TNFRSF11A: variants seen among roughly 807,000 people sequenced by gnomAD.
TNFRSF11A encodes tumor necrosis factor receptor superfamily member 11A.
In TNFRSF11A, 32 loss-of-function variants were observed where a neutral mutation model predicts 55.7. The ratio of observed to expected loss-of-function variants is 0.57; its 90% CI spans 0.43 to 0.77. TNFRSF11A has a LOEUF of 0.77. Among genes scored for constraint, TNFRSF11A ranks in the 30% least tolerant of loss-of-function variants. TNFRSF11A has a pLI of 0.00. For synonymous variants in TNFRSF11A, 311 were observed against 331.0 expected, an observed-to-expected ratio of 0.94 and a Z score of 0.65; for missense variants, 753 against 809.8, an observed-to-expected ratio of 0.93 and a Z score of 0.85.
chr18:62,380,682 C>T (rs970992645), intron 9 of TNFRSF11A, among the ~76,000 whole-genome samples: 16 of 152,032 alleles, frequency 1.1e-4, no homozygotes, highest in Admixed American at 3.3e-4. Context: ...GTGATCCACC[C>T]GCCTCGGCCT....
intron 6 of TNFRSF11A, among the ~76,000 whole-genome samples, chr18:62,360,725 T>G (rs4524025): frequency 0.86 from 130,621 of 152,188 alleles, 56,158 homozygotes; most frequent in Middle Eastern, 0.88. Flanking sequence ...AGGATTACAG[T>G]AGTGAGCCAC....
In TNFRSF11A at chr18:62,389,755, G is replaced by A. The variant is rs1343164972; in HGVS notation, c.*4721G>A. On this transcript the variant is annotated 3_prime_UTR_variant, in exon 10 of 10. Coordinates refer to ENST00000586569, the MANE Select transcript of TNFRSF11A (RefSeq NM_003839.4). ...AAAAAAATCTTTAAGATTACCAGGAGTATAAAAGTTAAAATGACAAAATTA... is the reference window on the plus strand; with the variant it reads ...AAAAAAATCTTTAAGATTACCAGGAATATAAAAGTTAAAATGACAAAATTA... 6.6e-6 allele frequency: 1 copy of A among 152,184 alleles called. No individual in the cohort carries two copies. Among genetic ancestry groups the A allele is most frequent in the Non-Finnish European group, 1.5e-5 (1 of 68,042 alleles). 9.4% of individuals were successfully genotyped at this position (152,184 alleles called of 1,614,324 possible).
chr18:62,351,002 C>CTTTTTTTTTTTTTTT (rs71160826), intron 3 of TNFRSF11A, among the ~76,000 whole-genome samples: 2 of 122,678 alleles, frequency 1.6e-5, no homozygotes, highest in East Asian at 2.3e-4. Context: ...TTTTTTCTTT[C>CTTTTTTTTTTTTTTT]TTTTTTTTTT....
At chr18:62,358,080 A>G in intron 4 of TNFRSF11A, 168 bp from the exon 5 acceptor site, 1 of 648,856 alleles carries the variant, frequency 1.5e-6, no homozygotes, top group Admixed American at 2.6e-5. Flanking sequence ...AGCCTGTGGG[A>G]GCTGAAGAAG....
intron 1 of TNFRSF11A, among the ~76,000 whole-genome samples, chr18:62,346,633 G>A (rs908707425): frequency 6.6e-6 from 1 of 152,032 alleles, no homozygotes; most frequent in Non-Finnish European, 1.5e-5. Context: ...CCTTCTCATC[G>A]ACCTCAGCCT....
At chr18:62,350,042 C>A in intron 3 of TNFRSF11A, 105 bp downstream of exon 3, 1 of 1,517,220 alleles carries the variant, frequency 6.6e-7, no homozygotes, top group Non-Finnish European at 9.0e-7. Context: ...GTTTCAGGAA[C>A]ATGAAAGGAA....
intron 1 of TNFRSF11A, among the ~76,000 whole-genome samples, chr18:62,332,796 C>T (rs1264896611): frequency 6.6e-6 from 1 of 152,122 alleles, no homozygotes; most frequent in Non-Finnish European, 1.5e-5. Context: ...CAACCCCAAA[C>T]CAAACAAAAC....
intron 7 of TNFRSF11A, among the ~76,000 whole-genome samples, chr18:62,363,800 C>T (rs1246327661): frequency 2.0e-5 from 3 of 152,200 alleles, no homozygotes; most frequent in East Asian, 3.8e-4. Flanking sequence ...CTTGTAGGCA[C>T]GTTTATGTGA....
chr18:62,343,665 A>G (rs1439085128), intron 1 of TNFRSF11A, among the ~76,000 whole-genome samples: 2 of 152,240 alleles, frequency 1.3e-5, no homozygotes, highest in African/African-American at 2.4e-5. Flanking sequence ...AGAGTCCATC[A>G]GCCGTTAAGA....
At chr18:62,344,286 C>T (rs1194265285) in intron 1 of TNFRSF11A, among the ~76,000 whole-genome samples, 1 of 152,204 alleles carries the variant, frequency 6.6e-6, no homozygotes, top group Non-Finnish European at 1.5e-5. Flanking sequence ...GCTTTATTTG[C>T]TTCATGAAGA....
chr18:62,341,776 G>C (rs1316040741), intron 1 of TNFRSF11A, among the ~76,000 whole-genome samples: 2 of 147,260 alleles, frequency 1.4e-5, no homozygotes, highest in African/African-American at 5.0e-5. Flanking sequence ...AGTGCAGCAG[G>C]ATAGGCACAG....
chr18:62,374,411 C>T (rs1429920635), intron 9 of TNFRSF11A, among the ~76,000 whole-genome samples: 1 of 152,214 alleles, frequency 6.6e-6, no homozygotes, highest in Non-Finnish European at 1.5e-5. Flanking sequence ...AGGAAAATCA[C>T]ATGAGAAGCA....
chr18:62,359,983 C>T lies in TNFRSF11A; in HGVS notation c.550C>T (p.His184Tyr), dbSNP rs140948733. Residue 184 changes from histidine to tyrosine, a missense_variant, in exon 6 of 10, where the codon CAT becomes TAT. This residue lies in a region of TNFRSF11A where 567 missense variants were observed against 596.7 expected (regional missense o/e 0.95). Coordinates refer to ENST00000586569, the MANE Select transcript of TNFRSF11A (RefSeq NM_003839.4). ...NCTFLGKRVEHHGTEKSDAVC... is the reference protein window; with the variant it reads ...NCTFLGKRVEYHGTEKSDAVC... ...TACCTTCCTTGGAAAGAGAGTAGAA[C>T]ATCATGGGACAGAGAAATCCGATGC... 5 of 1,613,988 alleles carry T rather than the reference C, an allele frequency of 3.1e-6. No individual in the cohort carries two copies. Among genetic ancestry groups the T allele is most frequent in the Admixed American group, 1.7e-5 (1 of 60,024 alleles).
At chr18:62,381,095 C>T (rs778332992) in intron 9 of TNFRSF11A, among the ~76,000 whole-genome samples, 2 of 152,148 alleles carry the variant, frequency 1.3e-5, no homozygotes, top group African/African-American at 4.8e-5. Context: ...TCAGCCACCG[C>T]GCTTAGTTCC....
intron 9 of TNFRSF11A, among the ~76,000 whole-genome samples, chr18:62,370,196 T>C (rs1910435131): frequency 6.6e-6 from 1 of 152,188 alleles, no homozygotes; most frequent in African/African-American, 2.4e-5. Flanking sequence ...CTTTTTCCCA[T>C]GAGGGTAAAA....
chr18:62,339,414 A>G (rs2046280469), intron 1 of TNFRSF11A, among the ~76,000 whole-genome samples: 1 of 152,198 alleles, frequency 6.6e-6, no homozygotes, highest in Admixed American at 6.5e-5. Context: ...TTCAAAGCCA[A>G]GGAAGACGTG....
intron 1 of TNFRSF11A, among the ~76,000 whole-genome samples, chr18:62,329,506 C>T (rs922987154): frequency 6.6e-6 from 1 of 152,206 alleles, no homozygotes; most frequent in Non-Finnish European, 1.5e-5. Context: ...GTGTATTTCC[C>T]TCTAGTTGCA....
At chr18:62,374,060 C>CAGAT (rs1410099466) in intron 9 of TNFRSF11A, 2 of 152,194 alleles carry the variant, frequency 1.3e-5, no homozygotes, top group African/African-American at 2.4e-5. Flanking sequence ...CTCGTAAGGG[C>CAGAT]AGATACTGGT....
intron 1 of TNFRSF11A, among the ~76,000 whole-genome samples, chr18:62,343,601 A>G (rs1600367356): frequency 6.6e-6 from 1 of 152,156 alleles, no homozygotes; most frequent in East Asian, 1.9e-4. Flanking sequence ...CAAATTTATT[A>G]TCTCCCCCGC....
Sources: allele counts gnomAD v4.1 joint callset (sites outside exome capture counted in the v4.1 genomes callset), GRCh38; gene constraint gnomAD v4.1.1; regional missense constraint gnomAD v4.1.1; transcripts MANE v1.5; gene names NCBI Gene and HGNC (gene_info 2026-07-23, HGNC 2026-07-21).